DHX57: variants seen among roughly 807,000 people sequenced by gnomAD.
DHX57 encodes the protein DExH-box helicase 57.
A neutral mutation model predicts 156.2 loss-of-function variants in DHX57; 105 were observed. The observed-to-expected ratio is 0.67, with a 90% CI of 0.57 to 0.79. The LOEUF (loss-of-function observed/expected upper bound fraction) is 0.79. Ranked by LOEUF, DHX57 falls within the 30% of genes least tolerant of loss-of-function variation. The pLI is 0.00. For missense variants in DHX57, 1,847 were observed against 1,661.9 expected (o/e 1.11, Z -1.94); for synonymous variants, 704 against 595.6 (o/e 1.18, Z -2.65).
chr2:38,859,490 C>G (rs1673073484), intron 5 of DHX57, among the ~76,000 whole-genome samples: 1 of 152,070 alleles, frequency 6.6e-6, no homozygotes, highest in Admixed American at 6.6e-5. Context: ...TATAAAAATA[C>G]TAAAAACCAT....
intron 17 of DHX57, among the ~76,000 whole-genome samples, chr2:38,821,575 C>A (rs1670817364): frequency 6.6e-6 from 1 of 152,098 alleles, no homozygotes; most frequent in Non-Finnish European, 1.5e-5. Flanking sequence ...CACCTGTAAT[C>A]CCAGCTACTC....
chr2:38,837,609 C>G (rs1285087611), intron 13 of DHX57, among the ~76,000 whole-genome samples: 1 of 2,646 alleles, frequency 3.8e-4, no homozygotes, highest in Non-Finnish European at 0.038. Flanking sequence ...AAAACCCCGT[C>G]TCAAAAAAAA....
intron 20 of DHX57, among the ~76,000 whole-genome samples, chr2:38,814,668 T>C (rs1222776934): frequency 1.3e-5 from 2 of 152,050 alleles, no homozygotes; most frequent in Admixed American, 6.6e-5. Context: ...TATGAATTTA[T>C]CAAGAAGCAG....
At chr2:38,837,981 T>C (rs1328834507) in intron 12 of DHX57, 34 bp from the exon 13 acceptor site, 1 of 1,320,898 alleles carries the variant, frequency 7.6e-7, no homozygotes, top group East Asian at 2.3e-5. Context: ...GAGAAGGATA[T>C]TTATACCTTG....
chr2:38,798,235 T>C lies in DHX57; in HGVS notation c.*64A>G. 6.4e-7 allele frequency: 1 copy of C among 1,561,874 alleles called. No homozygotes were observed. The highest frequency in any genetic ancestry group is 8.6e-7 in the Non-Finnish European group (1 of 1,156,390). ...TAGGTCTTTAGTTCGAGGTAGAGGT[T>C]CTGCTGTTATTTCCCAGGTGAGCTA... On this transcript the variant is annotated 3_prime_UTR_variant, in exon 24 of 24. Coordinates refer to ENST00000457308, the MANE Select transcript of DHX57 (RefSeq NM_198963.3).
chr2:38,815,713 T>C, intron 19 of DHX57, 58 bp from the exon 20 acceptor site: 1 of 1,604,096 alleles, frequency 6.2e-7, no homozygotes, highest in African/African-American at 1.3e-5. Flanking sequence ...GTGTTAAGTC[T>C]TACAAAAATG....
rs990062897 is a variant in DHX57, at chr2:38,815,377, T to C, written c.3606+144A>G. ...ACCGTGCCAGATCAGCTGATATTTA[T>C]TTGTGCGAAGCAGAAAATCAAGAAT... On this transcript the variant is annotated intron_variant, in intron 20 of 23. Coordinates refer to ENST00000457308, the MANE Select transcript of DHX57 (RefSeq NM_198963.3). The C allele has an allele frequency of 2.2e-5, 24 of 1,109,972 alleles. 1 individual carries two copies. The highest frequency in any genetic ancestry group is 2.6e-5 in the Non-Finnish European group (20 of 771,026). The allele number at this position is 1,109,972 out of a possible 1,614,324, so 68.8% of individuals were successfully genotyped here. A position where few individuals can be genotyped will look rare whatever the true frequency, so the allele number is the denominator to read the frequency against.
At chr2:38,832,080 C>A (rs1671411884) in intron 13 of DHX57, among the ~76,000 whole-genome samples, 1 of 152,134 alleles carries the variant, frequency 6.6e-6, no homozygotes, top group Non-Finnish European at 1.5e-5. Context: ...TTAGCCAACA[C>A]TCACTACTTG....
intron 14 of DHX57, among the ~76,000 whole-genome samples, chr2:38,827,798 C>A (rs1006714412): frequency 6.6e-6 from 1 of 151,946 alleles, no homozygotes. Flanking sequence ...CACCTTCCCC[C>A]ACTATCTGGG....
At chr2:38,804,382 CAG>C (rs890253340) in intron 22 of DHX57, among the ~76,000 whole-genome samples, 7 of 152,050 alleles carry the variant, frequency 4.6e-5, no homozygotes, top group South Asian at 2.1e-4. Context: ...CCCAGCTACT[CAG>C]GGGGCTGAGG....
chr2:38,846,516 G>A (rs1249839245), intron 11 of DHX57, among the ~76,000 whole-genome samples: 1 of 151,650 alleles, frequency 6.6e-6, no homozygotes, highest in Non-Finnish European at 1.5e-5. Flanking sequence ...TACTCAGGAG[G>A]CTGAAGTAGA....
intron 20 of DHX57, 83 bp downstream of exon 20, chr2:38,815,438 A>C (rs571648155): frequency 2.5e-4 from 382 of 1,559,144 alleles, no homozygotes; most frequent in Non-Finnish European, 1.9e-5. Flanking sequence ...TAAGTGAAGA[A>C]GAATGTCTAC....
chr2:38,818,981 A>C, intron 18 of DHX57, 21 bp from the exon 19 acceptor site: 4 of 1,614,146 alleles, frequency 2.5e-6, no homozygotes, highest in Non-Finnish European at 3.4e-6. Flanking sequence ...GAGAAAATCA[A>C]ACTGAACTTA....
rs1158619440 is a variant in DHX57 at position 38,858,693 on chromosome 2, C to A, written c.1555G>T (p.Gly519Cys). The change falls in exon 6 of 24, where the codon GGT (glycine) becomes TGT (cysteine). Residue 519 changes from glycine (G) to cysteine (C), a missense_variant. By Grantham distance (159) the Gly-to-Cys change is radical. Transcript: ENST00000457308. Reference sequence around the variant, plus strand: ...ATTCGGAACTGCTTGCAGATTTTACCATTTTCAGCATGTACTGACTTTGCC... The same window carrying A: ...ATTCGGAACTGCTTGCAGATTTTACAATTTTCAGCATGTACTGACTTTGCC... ...WQAKSVHAEN[G>C]KICKQFRMKQ... 1 of 1,613,472 alleles carries A rather than the reference C, an allele frequency of 6.2e-7. No individual in the cohort carries two copies. Among genetic ancestry groups the A allele is most frequent in the Admixed American group, 1.7e-5 (1 of 59,832 alleles).
intron 23 of DHX57, among the ~76,000 whole-genome samples, chr2:38,801,105 AT>A (rs1385357378): frequency 7.2e-5 from 11 of 152,346 alleles, no homozygotes; most frequent in African/African-American, 2.4e-4. Flanking sequence ...TGTGGGTCAC[AT>A]TATATTTCTG....
chr2:38,816,906 G>A (rs1670573123), intron 19 of DHX57, among the ~76,000 whole-genome samples: 1 of 151,210 alleles, frequency 6.6e-6, no homozygotes, highest in Non-Finnish European at 1.5e-5. Context: ...ATATCCTAAT[G>A]AAAAAAAAAT....
In DHX57 at chr2:38,823,312, G is replaced by T. The variant is rs752409884; in HGVS notation, c.3015-43C>A. 3.2e-6 allele frequency: 5 copies of T among 1,568,272 alleles called. No homozygotes were observed. The African/African-American group carries it at 4.1e-5, about 13-fold the overall frequency. ...TAATAATTTGTCAATTTTATTTCTG[G>T]TGGGATGACACAGAGGAATAATTTC... On this transcript the variant is annotated intron_variant, in intron 16 of 23. Transcript: ENST00000457308.
intron 12 of DHX57, among the ~76,000 whole-genome samples, chr2:38,839,203 T>C (rs1036796355): frequency 2.0e-5 from 3 of 151,768 alleles, no homozygotes; most frequent in African/African-American, 7.3e-5. Flanking sequence ...CTGCTGAGAT[T>C]ATAGTCGTGA....
intron 1 of DHX57, among the ~76,000 whole-genome samples, chr2:38,869,435 C>G (rs1169205399): frequency 6.6e-6 from 1 of 152,162 alleles, no homozygotes; most frequent in Non-Finnish European, 1.5e-5. Flanking sequence ...AATAAGATCA[C>G]TAGGAAGTTC....
Sources: gnomAD v4.1 joint callset for allele counts (sites outside exome capture counted in the v4.1 genomes callset) on GRCh38, gnomAD v4.1.1 for gene constraint, MANE v1.5 for transcripts, NCBI Gene and HGNC (gene_info 2026-07-23, HGNC 2026-07-21) for gene names.